The following CFAP20DC variants were observed in gnomAD, a reference collection of about 807,000 sequenced individuals.
The protein encoded by CFAP20DC is CFAP20 domain containing.
Under a neutral mutation model 101.7 loss-of-function variants are expected in CFAP20DC, and 84 were observed. That is an observed-to-expected ratio of 0.83 (90% CI 0.69 to 0.99). The LOEUF is 0.99. CFAP20DC is among the 50% of genes least tolerant of loss of function. The probability of loss-of-function intolerance (pLI) is 0.00; values close to 1 mark genes in which losing one functional copy is unlikely to be tolerated. For synonymous variants in CFAP20DC, 359 were observed against 351.2 expected (o/e 1.02, Z -0.25); for missense variants, 1,007 against 970.3 (o/e 1.04, Z -0.50).
In CFAP20DC at chr3:58,937,695, T is replaced by A. The variant is rs752497716; in HGVS notation, c.346A>T (p.Thr116Ser). Residue 116 changes from threonine to serine, a missense_variant, in exon 5 of 17, where the codon ACC becomes TCC. Transcript: ENST00000482387. Reference sequence around the variant, plus strand: ...AGTGGAATTTTTGCATGAAGAGGGGTGGAGGATAGTTCCTTATGGACCGTT... The same window carrying A: ...AGTGGAATTTTTGCATGAAGAGGGGAGGAGGATAGTTCCTTATGGACCGTT... ...LSTVHKELSS[T>S]PLHAKIPLFM... is the part of the protein sequence containing the mutation. 1.2e-5 allele frequency: 19 copies of A among 1,612,806 alleles called. No homozygotes were observed. Among genetic ancestry groups the A allele is most frequent in the Non-Finnish European group, 1.6e-5 (19 of 1,179,036 alleles).
chr3:58,814,585 C>A (rs1425286529), intron 14 of CFAP20DC, among the ~76,000 whole-genome samples: 1 of 151,358 alleles, frequency 6.6e-6, no homozygotes, highest in Non-Finnish European at 1.5e-5. Context: ...TTGCAGATGA[C>A]ATGATTGTAT....
At chr3:58,789,151 G>T (rs1296202016) in intron 15 of CFAP20DC, among the ~76,000 whole-genome samples, 1 of 152,152 alleles carries the variant, frequency 6.6e-6, no homozygotes, top group African/African-American at 2.4e-5. Flanking sequence ...ACACCTTTTA[G>T]AGAGTTATAA....
intron 13 of CFAP20DC, among the ~76,000 whole-genome samples, chr3:58,843,243 G>A (rs1166906013): frequency 6.6e-6 from 1 of 151,904 alleles, no homozygotes; most frequent in African/African-American, 2.4e-5. Context: ...CAAACCAAAG[G>A]CAAAGAAGTT....
At chr3:58,996,933 G>C (rs780158273) in intron 4 of CFAP20DC, among the ~76,000 whole-genome samples, 9 of 152,300 alleles carry the variant, frequency 5.9e-5, no homozygotes, top group Non-Finnish European at 1.2e-4. Context: ...TTTTGCAGCC[G>C]GGAGGAGCCT....
Position 58,985,304 on chromosome 3 carries a change from T to C in CFAP20DC, c.279-47542A>G, listed in dbSNP as rs532891328. Among the ~76,000 whole-genome samples the C allele has an allele frequency of 5.9e-5, 9 of 152,226 alleles. No individual in the cohort carries two copies. In the South Asian group the frequency reaches 1.0e-3, roughly 18 times the overall value. On this transcript the variant is annotated intron_variant, in intron 4 of 16. Transcript: ENST00000482387. The stretch of plus-strand genomic sequence containing the variant: ...TGAAAAATTTCTCTGAGAGTCCCCA[T>C]TTCTGAAGTATATTCCTTCCTCTTC...
At chr3:59,045,663 G>A (rs1044678996) in intron 3 of CFAP20DC, among the ~76,000 whole-genome samples, 10 of 151,966 alleles carry the variant, frequency 6.6e-5, no homozygotes, top group Non-Finnish European at 1.5e-4. Flanking sequence ...GATTCTATGG[G>A]TCTTTGTTAA....
At chr3:58,776,033 T>C (rs2071309000) in intron 15 of CFAP20DC, among the ~76,000 whole-genome samples, 1 of 152,072 alleles carries the variant, frequency 6.6e-6, no homozygotes, top group Admixed American at 6.5e-5. Context: ...TGAGCCACTG[T>C]GCCCAGCCTT....
intron 7 of CFAP20DC, among the ~76,000 whole-genome samples, chr3:58,877,910 C>T (rs1025821306): frequency 6.6e-6 from 1 of 152,054 alleles, no homozygotes; most frequent in Non-Finnish European, 1.5e-5. Flanking sequence ...ACCATAATAT[C>T]CATTTTCAGA....
chr3:58,827,551 C>T (rs1206724214), intron 14 of CFAP20DC, among the ~76,000 whole-genome samples: 3 of 152,212 alleles, frequency 2.0e-5, no homozygotes, highest in Admixed American at 2.0e-4. Flanking sequence ...CCACCACAGA[C>T]TTAATTTGGC....
intron 16 of CFAP20DC, 75 bp from the exon 17 acceptor site, chr3:58,742,647 G>A: frequency 9.7e-7 from 1 of 1,034,638 alleles, no homozygotes; most frequent in Non-Finnish European, 1.4e-6. Context: ...CAACGAAGCA[G>A]GAATCACCAT....
At chr3:58,718,054 C>T (rs533862372) in intron 3 of CFAP20DC, among the ~76,000 whole-genome samples, 1 of 152,220 alleles carries the variant, frequency 6.6e-6, no homozygotes. Context: ...CTTTGATCCA[C>T]TACTTATTGG....
chr3:59,013,849 T>C (rs574088628), intron 4 of CFAP20DC, among the ~76,000 whole-genome samples: 2 of 152,216 alleles, frequency 1.3e-5, no homozygotes, highest in African/African-American at 2.4e-5. Context: ...TGTTTGAATA[T>C]AAAAAACAAA....
intron 13 of CFAP20DC, among the ~76,000 whole-genome samples, chr3:58,842,308 G>C (rs990091109): frequency 4.6e-5 from 7 of 151,010 alleles, no homozygotes; most frequent in African/African-American, 1.7e-4. Context: ...GTGGGTGCGC[G>C]CACCGTGCGC....
intron 14 of CFAP20DC, among the ~76,000 whole-genome samples, chr3:58,828,000 G>C (rs1247720248): frequency 1.3e-5 from 2 of 152,184 alleles, no homozygotes; most frequent in African/African-American, 2.4e-5. Context: ...TGACTTTAGA[G>C]CTAAGTCTTG....
At chr3:58,982,424 C>A (rs541519745) in intron 4 of CFAP20DC, among the ~76,000 whole-genome samples, 1 of 151,884 alleles carries the variant, frequency 6.6e-6, no homozygotes, top group African/African-American at 2.4e-5. Flanking sequence ...ATGTTTATTG[C>A]GGCACTATTC....
chr3:58,850,636 C>A (rs944731261), intron 12 of CFAP20DC, among the ~76,000 whole-genome samples: 7 of 149,604 alleles, frequency 4.7e-5, no homozygotes, highest in African/African-American at 1.7e-4. Flanking sequence ...AACCAACCAA[C>A]CAAACAAAAT....
chr3:59,034,295 C>T (rs1231560457), intron 4 of CFAP20DC, among the ~76,000 whole-genome samples: 8 of 152,082 alleles, frequency 5.3e-5, no homozygotes, highest in Admixed American at 5.2e-4. Context: ...AACTAAGGGG[C>T]AAAATAACCA....
rs142824610 is a variant in CFAP20DC at position 58,866,505 on chromosome 3, A to G, written c.1258+61T>C. ...ACTTTTCAAAATGACTGGATTTGAAATATTTACCATATTTACATTTTATTC... is the reference window on the plus strand; with the variant it reads ...ACTTTTCAAAATGACTGGATTTGAAGTATTTACCATATTTACATTTTATTC... On this transcript the variant is annotated intron_variant, in intron 11 of 16. Transcript: ENST00000482387. The G allele has an allele frequency of 1.2e-4, 162 of 1,371,194 alleles. No homozygotes were observed. In the African/African-American group the frequency reaches 2.2e-3, roughly 19 times the overall value. The allele number at this position is 1,371,194 out of a possible 1,614,324, so 84.9% of individuals were successfully genotyped here.
At chr3:58,867,738 A>T in intron 10 of CFAP20DC, 79 bp downstream of exon 10, 1 of 1,545,868 alleles carries the variant, frequency 6.5e-7, no homozygotes, top group South Asian at 1.1e-5. Context: ...TAATCCTTTG[A>T]AATTTACAAC....
Sources: gnomAD v4.1 joint callset for allele counts (sites outside exome capture counted in the v4.1 genomes callset) on GRCh38, gnomAD v4.1.1 for gene constraint, MANE v1.5 for transcripts, NCBI Gene and HGNC (gene_info 2026-07-23, HGNC 2026-07-21) for gene names.